The following RNFT2 variants were observed in gnomAD, a reference collection of about 807,000 sequenced individuals.
RNFT2 encodes the protein ring finger protein, transmembrane 2, also known as E3 ubiquitin-protein ligase RNFT2.
Under a neutral mutation model 53.0 loss-of-function variants are expected in RNFT2, and 36 were observed. The observed-to-expected ratio is 0.68, with a 90% confidence interval of 0.52 to 0.90. The LOEUF (loss-of-function observed/expected upper bound fraction) is 0.90, where lower values mean the gene tolerates loss of function less well. RNFT2 is among the 40% of genes least tolerant of loss of function. The pLI is 0.00. For synonymous variants in RNFT2, 260 were observed against 253.2 expected (o/e 1.03, Z -0.26); for missense variants, 514 against 585.6 (o/e 0.88, Z 1.26).
At chr12:116,750,873 T>TTAC (rs1872198200) in intron 4 of RNFT2, among the ~76,000 whole-genome samples, 2 of 1,108 alleles carry the variant, frequency 1.8e-3, no homozygotes, top group Non-Finnish European at 4.7e-3. Context: ...ATATATATAA[T>TTAC]ATATATATTA....
intron 3 of RNFT2, among the ~76,000 whole-genome samples, chr12:116,747,817 C>T (rs1205217507): frequency 1.3e-5 from 2 of 152,050 alleles, no homozygotes; most frequent in Non-Finnish European, 2.9e-5. Flanking sequence ...CTCCCCAACA[C>T]ATGCACGTCG....
chr12:116,828,967 G>C (rs183844249), intron 7 of RNFT2, among the ~76,000 whole-genome samples: 2 of 151,552 alleles, frequency 1.3e-5, no homozygotes, highest in African/African-American at 4.8e-5. Context: ...GGGCAACATA[G>C]ATAGACCCCA....
chr12:116,776,843 C>T (rs1873449746), intron 6 of RNFT2, among the ~76,000 whole-genome samples: 1 of 151,826 alleles, frequency 6.6e-6, no homozygotes, highest in African/African-American at 2.4e-5. Context: ...ATCTAAGCTC[C>T]ACATTCAACC....
At chr12:116,752,538 T>C (rs1443165651) in intron 4 of RNFT2, among the ~76,000 whole-genome samples, 1 of 152,196 alleles carries the variant, frequency 6.6e-6, no homozygotes, top group Non-Finnish European at 1.5e-5. Context: ...ATACAGCTTC[T>C]ACAAAGTAGA....
intron 7 of RNFT2, among the ~76,000 whole-genome samples, chr12:116,828,304 A>C (rs2137193276): frequency 6.6e-6 from 1 of 152,212 alleles, no homozygotes; most frequent in South Asian, 2.1e-4. Flanking sequence ...CTATTTCAGG[A>C]GGTCTGGGGT....
intron 7 of RNFT2, among the ~76,000 whole-genome samples, chr12:116,817,956 G>A (rs1875774917): frequency 6.6e-6 from 1 of 152,210 alleles, no homozygotes; most frequent in East Asian, 1.9e-4. Context: ...ATATCAACAC[G>A]CAAATATAGA....
At chr12:116,844,131 T>G (rs1947300436) in intron 10 of RNFT2, among the ~76,000 whole-genome samples, 2 of 152,206 alleles carry the variant, frequency 1.3e-5, no homozygotes, top group Admixed American at 1.3e-4. Flanking sequence ...CTTTCATGAG[T>G]ATACAGTGGA....
At chr12:116,789,939 G>A (rs965395744) in intron 7 of RNFT2, among the ~76,000 whole-genome samples, 3 of 144,562 alleles carry the variant, frequency 2.1e-5, no homozygotes, top group African/African-American at 7.7e-5. Context: ...GAGAGTGGAT[G>A]GATGGATGGT....
chr12:116,743,679 G>C (rs752435359), intron 3 of RNFT2, among the ~76,000 whole-genome samples: 1 of 152,236 alleles, frequency 6.6e-6, no homozygotes, highest in East Asian at 1.9e-4. Flanking sequence ...TCCAAGGGGC[G>C]GGCAGCCAAG....
chr12:116,849,243 T>A, intron 10 of RNFT2, 71 bp from the exon 11 acceptor site: 1 of 1,336,088 alleles, frequency 7.5e-7, no homozygotes, highest in Non-Finnish European at 1.0e-6. Context: ...CGCTGCCCCT[T>A]CTCCTGCTCC....
intron 7 of RNFT2, among the ~76,000 whole-genome samples, chr12:116,829,085 G>A (rs916440916): frequency 6.6e-6 from 1 of 152,116 alleles, no homozygotes; most frequent in African/African-American, 2.4e-5. Flanking sequence ...GAATATGCAA[G>A]AGTTGAGAGA....
At chr12:116,807,826 T>C (rs1427817854) in intron 7 of RNFT2, among the ~76,000 whole-genome samples, 3 of 151,888 alleles carry the variant, frequency 2.0e-5, no homozygotes, top group Non-Finnish European at 1.5e-5. Context: ...TGTTTTGAGA[T>C]AGGGTCTTGC....
intron 3 of RNFT2, among the ~76,000 whole-genome samples, chr12:116,743,264 G>C (rs1871729701): frequency 1.7e-5 from 1 of 59,252 alleles, no homozygotes; most frequent in African/African-American, 5.0e-5. Context: ...AAACACTCAT[G>C]AGCTAGAATT....
At chr12:116,815,052 C>G (rs1875583425) in intron 7 of RNFT2, among the ~76,000 whole-genome samples, 1 of 152,126 alleles carries the variant, frequency 6.6e-6, no homozygotes, top group Non-Finnish European at 1.5e-5. Context: ...CTTAGTATGT[C>G]AACAAGGGGC....
At chr12:116,755,820 A>G (rs1872483735) in intron 5 of RNFT2, 2 of 1,567,050 alleles carry the variant, frequency 1.3e-6, no homozygotes, top group Non-Finnish European at 1.7e-6. Flanking sequence ...TGTTTTCTAA[A>G]AGGCCTAGAG....
At chr12:116,845,763 C>T (rs565700052) in intron 10 of RNFT2, among the ~76,000 whole-genome samples, 1 of 152,200 alleles carries the variant, frequency 6.6e-6, no homozygotes, top group East Asian at 1.9e-4. Flanking sequence ...CCAGTATGGT[C>T]TTCGCGGCTC....
chr12:116,771,490 A>AT lies in RNFT2; in HGVS notation c.728+4576_728+4577insT, dbSNP rs1308384275. On this transcript the variant is annotated intron_variant, in intron 6 of 10. Transcript: ENST00000257575. ...AAAAAAAAAAAAAAAAAAAAAAAAAAAAAAATACGTATATGAGCAATTTTA... is the reference window on the plus strand; with the variant it reads ...AAAAAAAAAAAAAAAAAAAAAAAAAATAAAAATACGTATATGAGCAATTTTA... Among the ~76,000 whole-genome samples the AT allele has an allele frequency of 5.2e-4, 56 of 107,580 alleles. 2 individuals are homozygous for AT. The highest frequency in any genetic ancestry group is 1.7e-3 in the African/African-American group (48 of 28,244). The allele number at this position is 107,580 out of a possible 152,430, so 70.6% of individuals were successfully genotyped here.
rs374838340 is a variant in RNFT2, at chr12:116,826,001, CTCTG to C, written c.883-7785_883-7782del. Among the ~76,000 whole-genome samples, 1,220 of 152,238 alleles carry C rather than the reference CTCTG, an allele frequency of 8.0e-3. 6 individuals are homozygous for C. The highest frequency in any genetic ancestry group is 0.028 in the African/African-American group (1,149 of 41,524). ...TGATACAGAAAAAAAAAGGTTTCAT[CTCTG>C]TCTGTGCATTTTTCATACATTGAAG... On this transcript the variant is annotated intron_variant, in intron 7 of 10. Coordinates refer to ENST00000257575, the MANE Select transcript of RNFT2 (RefSeq NM_001382266.1).
At chr12:116,750,874 AT>A (rs1566069477) in intron 4 of RNFT2, among the ~76,000 whole-genome samples, 4 of 1,100 alleles carry the variant, frequency 3.6e-3, no homozygotes, top group Non-Finnish European at 0.019. Flanking sequence ...TATATATAAT[AT>A]ATATATTATA....
Sources: gnomAD v4.1 joint callset for allele counts (sites outside exome capture counted in the v4.1 genomes callset) on GRCh38, gnomAD v4.1.1 for gene constraint, MANE v1.5 for transcripts, NCBI Gene and HGNC (gene_info 2026-07-23, HGNC 2026-07-21) for gene names.